The following VOPP1 variants were observed in gnomAD, a reference collection of about 807,000 sequenced individuals.
VOPP1 encodes the protein VOPP1 WW domain binding protein.
Under a neutral mutation model 23.5 loss-of-function variants are expected in VOPP1, and 8 were observed. That is an observed-to-expected ratio of 0.34 (90% CI 0.20 to 0.61). The LOEUF (loss-of-function observed/expected upper bound fraction) is 0.61, where lower values mean the gene tolerates loss of function less well. Ranked by LOEUF, VOPP1 falls within the 20% of genes least tolerant of loss-of-function variation. VOPP1 has a pLI of 0.78. For missense variants in VOPP1, 174 were observed against 238.1 expected (o/e 0.73, Z 1.77); for synonymous variants, 83 against 97.3 (o/e 0.85, Z 0.86).
At position 55,517,918 on chromosome 7, in the gene VOPP1, C is replaced by T. The variant is rs77077198; in HGVS notation, c.113+3154G>A. Among the ~76,000 whole-genome samples, 817 of 152,250 alleles carry T rather than the reference C, an allele frequency of 5.4e-3. 4 individuals carry two copies. The highest frequency in any genetic ancestry group is 0.024 in the Middle Eastern group (7 of 294). ...TGGACCGGTGAGGGTATTGGACAAG[C>T]CACCCCATGTGTGCTGGCTGGCCCC... On this transcript the variant is annotated intron_variant, in intron 2 of 4. Transcript: ENST00000285279.
chr7:55,565,984 C>T (rs539200341), intron 1 of VOPP1, among the ~76,000 whole-genome samples: 1 of 152,322 alleles, frequency 6.6e-6, no homozygotes, highest in South Asian at 2.1e-4. Context: ...AATCTCCGAT[C>T]CCAAGATCAC....
At chr7:55,515,911 G>A (rs1196752473) in intron 2 of VOPP1, 1 of 937,988 alleles carries the variant, frequency 1.1e-6, no homozygotes, top group African/African-American at 1.8e-5. Context: ...GATCCTGCAG[G>A]ACATGCTCCT....
intron 1 of VOPP1, among the ~76,000 whole-genome samples, chr7:55,560,479 G>A (rs1331041596): frequency 6.6e-6 from 1 of 152,180 alleles, no homozygotes; most frequent in Non-Finnish European, 1.5e-5. Flanking sequence ...TGGCTTTGAA[G>A]GGGAGGAAGG....
chr7:55,496,743 G>A (rs2129023613), intron 3 of VOPP1, among the ~76,000 whole-genome samples: 2 of 152,348 alleles, frequency 1.3e-5, no homozygotes, highest in Middle Eastern at 6.8e-3. Context: ...AAAAATTCAG[G>A]TGGCTGCTGT....
chr7:55,473,319 G>A (rs1051193355), intron 4 of VOPP1, among the ~76,000 whole-genome samples: 1 of 152,224 alleles, frequency 6.6e-6, no homozygotes, highest in South Asian at 2.1e-4. Flanking sequence ...ACAGTAAGGT[G>A]AGGCTGTCTG....
intron 1 of VOPP1, among the ~76,000 whole-genome samples, chr7:55,563,565 A>G (rs1798056899): frequency 6.6e-6 from 1 of 152,248 alleles, no homozygotes; most frequent in African/African-American, 2.4e-5. Flanking sequence ...GAACATTTGC[A>G]TATACACAGT....
intron 2 of VOPP1, among the ~76,000 whole-genome samples, chr7:55,511,545 C>T (rs1441174864): frequency 3.3e-5 from 5 of 152,134 alleles, no homozygotes; most frequent in African/African-American, 1.2e-4. Context: ...AATCACTAAG[C>T]TAAAAGGAAA....
At chr7:55,538,929 C>T (rs1584074900) in intron 1 of VOPP1, among the ~76,000 whole-genome samples, 1 of 149,810 alleles carries the variant, frequency 6.7e-6, no homozygotes, top group East Asian at 2.0e-4. Flanking sequence ...AAAAGTTGCA[C>T]AAGAAACTTA....
chr7:55,563,494 C>T (rs1395103291), intron 1 of VOPP1, among the ~76,000 whole-genome samples: 1 of 152,082 alleles, frequency 6.6e-6, no homozygotes, highest in Admixed American at 6.6e-5. Flanking sequence ...GGTTGAGTAT[C>T]CTTTACCTGA....
At chr7:55,476,988 C>G (rs1044512016) in intron 4 of VOPP1, among the ~76,000 whole-genome samples, 4 of 152,228 alleles carry the variant, frequency 2.6e-5, no homozygotes, top group Non-Finnish European at 5.9e-5. Flanking sequence ...TGGGCCCTCA[C>G]TAGATAACAT....
At position 55,446,149 on chromosome 7, in the gene VOPP1, C is replaced by T. The variant is rs368659149; in HGVS notation, n.418-9975G>A. On this transcript the variant is annotated intron_variant and non_coding_transcript_variant, in intron 4 of 4. Transcript: ENST00000462326. ...CTGGGACTACAGGTGCCCGCCACCA[C>T]GCCCAGATAATTTTTTTGTATTTTT... Among the ~76,000 whole-genome samples the T allele has an allele frequency of 7.9e-5, 12 of 152,100 alleles. No individual in the cohort carries two copies. The East Asian group carries it at 1.2e-3, about 15-fold the overall frequency.
chr7:55,558,613 C>A (rs957034711), intron 1 of VOPP1, among the ~76,000 whole-genome samples: 1 of 152,132 alleles, frequency 6.6e-6, no homozygotes, highest in African/African-American at 2.4e-5. Flanking sequence ...CCAGAGAGCC[C>A]AGGCATCCCT....
chr7:55,554,991 G>A lies in VOPP1; in HGVS notation c.54+17280C>T, dbSNP rs987421560. Among the ~76,000 whole-genome samples, 7 of 152,256 alleles carry A rather than the reference G, an allele frequency of 4.6e-5. No individual in the cohort carries two copies. The East Asian group carries it at 7.7e-4, about 17-fold the overall frequency. ...GCTTCCAAGGTGGCTGCTTTTTGCCGCATCTCCCGAAGGAGAAAATCAGGT... is the reference window on the plus strand; with the variant it reads ...GCTTCCAAGGTGGCTGCTTTTTGCCACATCTCCCGAAGGAGAAAATCAGGT... On this transcript the variant is annotated intron_variant, in intron 1 of 4. Transcript: ENST00000285279.
intron 1 of VOPP1, among the ~76,000 whole-genome samples, chr7:55,570,500 G>A (rs189597900): frequency 9.7e-4 from 148 of 152,258 alleles, no homozygotes; most frequent in African/African-American, 3.4e-3. Context: ...CCTATGCAAC[G>A]AAACAGCTAT....
intron 2 of VOPP1, among the ~76,000 whole-genome samples, chr7:55,511,218 G>A (rs1031900427): frequency 6.6e-6 from 1 of 152,180 alleles, no homozygotes; most frequent in Non-Finnish European, 1.5e-5. Flanking sequence ...CAGTGCTGGC[G>A]GGGACAGTTT....
At chr7:55,507,400 C>T (rs1794799287) in intron 2 of VOPP1, among the ~76,000 whole-genome samples, 1 of 151,800 alleles carries the variant, frequency 6.6e-6, no homozygotes, top group Admixed American at 6.6e-5. Context: ...GTTGTTCTGG[C>T]TTTTCTGAGC....
chr7:55,451,582 G>C (rs2129001744), intron 4 of VOPP1, among the ~76,000 whole-genome samples: 1 of 152,292 alleles, frequency 6.6e-6, no homozygotes, highest in Admixed American at 6.5e-5. Flanking sequence ...ACAAGGTCAG[G>C]AGTTTGAGAC....
rs1791869402 is a variant in VOPP1, at chr7:55,472,138, AG to A, written c.*716del. On this transcript the variant is annotated 3_prime_UTR_variant, in exon 5 of 5. Transcript: ENST00000285279. ...AAAATGCAATGTCTCAGTTTGGGGC[AG>A]GAAGTGATTTCCCATGAATTTAAAT... 6.6e-6 allele frequency: 1 copy of A among 151,884 alleles called. No individual in the cohort carries two copies. Among genetic ancestry groups the A allele is most frequent in the Admixed American group, 6.6e-5 (1 of 15,246 alleles). 9.4% of individuals were successfully genotyped at this position (151,884 alleles called of 1,614,324 possible). A position where few individuals can be genotyped will look rare whatever the true frequency, so the allele number is the denominator to read the frequency against.
At chr7:55,561,791 C>T (rs1179481416) in intron 1 of VOPP1, 1 of 522,184 alleles carries the variant, frequency 1.9e-6, no homozygotes, top group Non-Finnish European at 3.5e-6. Context: ...TATCTGAGCT[C>T]AGAGCACGTG....
Sources: gnomAD v4.1 joint callset for allele counts (sites outside exome capture counted in the v4.1 genomes callset) on GRCh38, gnomAD v4.1.1 for gene constraint, MANE v1.5 for transcripts, NCBI Gene and HGNC (gene_info 2026-07-23, HGNC 2026-07-21) for gene names.